PTPRU: variants seen among roughly 807,000 people sequenced by gnomAD.
PTPRU encodes receptor-type tyrosine-protein phosphatase U.
Under a neutral mutation model 166.3 loss-of-function variants are expected in PTPRU, and 69 were observed. The ratio of observed to expected loss-of-function variants is 0.41; its 90% confidence interval spans 0.34 to 0.51. PTPRU has a LOEUF of 0.51. Ranked by LOEUF, PTPRU falls within the 20% of genes least tolerant of loss-of-function variation. The probability of loss-of-function intolerance (pLI) is 0.09; values close to 1 mark genes in which losing one functional copy is unlikely to be tolerated. For synonymous variants in PTPRU, 793 were observed against 814.0 expected, an observed-to-expected ratio of 0.97 and a Z score of 0.44; for missense variants, 1,657 against 2,013.7, an observed-to-expected ratio of 0.82 and a Z score of 3.39.
chr1:29,304,046 G>A lies in PTPRU; in HGVS notation c.2667+1G>A. On this transcript the variant is annotated splice_donor_variant, in intron 16 of 29. Transcript: ENST00000373779. LOFTEE classifies it high-confidence loss of function. ...TTACGGCTTCAAGCAGGAGTATGAGGTGCACGCCGGCCCCGGGCCAGCAGG... is the reference window on the plus strand; with the variant it reads ...TTACGGCTTCAAGCAGGAGTATGAGATGCACGCCGGCCCCGGGCCAGCAGG... The A allele has an allele frequency of 6.3e-7, 1 of 1,599,522 alleles. No homozygotes were observed. Among genetic ancestry groups the A allele is most frequent in the Non-Finnish European group, 8.5e-7 (1 of 1,169,630 alleles).
At chr1:29,305,654 T>C (rs985022092) in intron 18 of PTPRU, 7 of 728,090 alleles carry the variant, frequency 9.6e-6, no homozygotes, top group Admixed American at 5.2e-5. Flanking sequence ...GATGAGGTGC[T>C]TTAGAGAAGC....
chr1:29,257,805 G>A lies in PTPRU; in HGVS notation c.206-700G>A, dbSNP rs1276649858. ...AGCCCAGGGTGGGAGGCAGAGGGAG[G>A]GCTTTGGAAGGGGTGGCCTTTGAGG... On this transcript the variant is annotated intron_variant, in intron 2 of 29. Coordinates refer to ENST00000373779, the MANE Select transcript of PTPRU (RefSeq NM_133178.4). The surrounding 1 kb of genome is among the most constrained non-coding windows in gnomAD (Gnocchi z 4.6). 6.6e-6 allele frequency among the ~76,000 whole-genome samples: 1 copy of A among 152,128 alleles called. No individual in the cohort carries two copies. The highest frequency in any genetic ancestry group is 1.5e-5 in the Non-Finnish European group (1 of 68,034).
intron 26 of PTPRU, 27 bp from the exon 27 acceptor site, chr1:29,323,344 C>G: frequency 6.3e-7 from 1 of 1,599,248 alleles, no homozygotes. Context: ...CTCTACTCAG[C>G]TCTCCCCTCT....
chr1:29,284,672 G>A, intron 13 of PTPRU, 59 bp from the exon 14 acceptor site: 1 of 1,612,616 alleles, frequency 6.2e-7, no homozygotes, highest in East Asian at 2.2e-5. Context: ...CCACCTACAG[G>A]AGGGGCTCGA....
In PTPRU at chr1:29,317,615, C is replaced by T; in HGVS notation, c.3514-133C>T. Reference sequence around the variant, plus strand: ...GGGAGTCTGGCTCCGTGCCCTGTACCCTTCTCTCTGGACCTCAGTTTCTCC... The same window carrying T: ...GGGAGTCTGGCTCCGTGCCCTGTACTCTTCTCTCTGGACCTCAGTTTCTCC... On this transcript the variant is annotated intron_variant, in intron 24 of 29. Coordinates refer to ENST00000373779, the MANE Select transcript of PTPRU (RefSeq NM_133178.4). The surrounding 1 kb of genome is among the most constrained non-coding windows in gnomAD (Gnocchi z 5.6). 1 of 1,057,838 alleles carries T rather than the reference C, an allele frequency of 9.5e-7. No individual in the cohort carries two copies. The allele number at this position is 1,057,838 out of a possible 1,614,324, so 65.5% of individuals were successfully genotyped here.
rs1337408839 is a variant in PTPRU at position 29,260,364 on chromosome 1, T to A, written c.851-246T>A. 2.1e-6 allele frequency: 1 copy of A among 470,586 alleles called. No individual in the cohort carries two copies. The highest frequency in any genetic ancestry group is 3.7e-6 in the Non-Finnish European group (1 of 273,288). 29.2% of individuals were successfully genotyped at this position (470,586 alleles called of 1,614,324 possible). ...CTCCAGGAGGCGAGGATGTGGGGGA[T>A]TAGGAGGGGCCTGAGAGAGGGGTTG... On this transcript the variant is annotated intron_variant, in intron 6 of 29. Transcript: ENST00000373779. This position sits in a 1 kb window ranked among gnomAD's most constrained non-coding sequence, Gnocchi z 8.3.
chr1:29,244,591 A>T (rs1684207945), intron 1 of PTPRU, among the ~76,000 whole-genome samples: 1 of 151,968 alleles, frequency 6.6e-6, no homozygotes, highest in African/African-American at 2.4e-5. Context: ...GCCTGTCAAT[A>T]TGTGTTTGTC....
rs781105249 is a variant in PTPRU, at chr1:29,311,811, G to C, written c.3072+52G>C. The C allele has an allele frequency of 2.5e-5, 38 of 1,535,788 alleles. No homozygotes were observed. The highest frequency in any genetic ancestry group is 3.4e-5 in the Non-Finnish European group (38 of 1,116,508). ...GCAGAGGGTGCCTGAGCAGGGATTA[G>C]AGCCCACTCCCACTTCCCCCAGCCC... On this transcript the variant is annotated intron_variant, in intron 21 of 29. Coordinates refer to ENST00000373779, the MANE Select transcript of PTPRU (RefSeq NM_133178.4). The surrounding 1 kb of genome is among the most constrained non-coding windows in gnomAD (Gnocchi z 4.1).
chr1:29,261,247 T>C (rs530459413), intron 7 of PTPRU, among the ~76,000 whole-genome samples: 15 of 152,166 alleles, frequency 9.9e-5, no homozygotes, highest in Non-Finnish European at 1.5e-4. Flanking sequence ...GTGGCAGAGA[T>C]GGGATTGGAA....
Position 29,291,739 on chromosome 1 carries a change from CAG to C in PTPRU, c.2319-126_2319-125del. On this transcript the variant is annotated intron_variant, in intron 14 of 29. Transcript: ENST00000373779. The surrounding 1 kb of genome is among the most constrained non-coding windows in gnomAD (Gnocchi z 4.1). Reference sequence around the variant, plus strand: ...GGATGGGGGCAGAGCCCTCAGCATCCAGAGATGCTTCTAGGACAGCTGCTGGC... The same window carrying C: ...GGATGGGGGCAGAGCCCTCAGCATCCAGATGCTTCTAGGACAGCTGCTGGC... 1 of 949,438 alleles carries C rather than the reference CAG, an allele frequency of 1.1e-6. No homozygotes were observed. Among genetic ancestry groups the C allele is most frequent in the Non-Finnish European group, 1.6e-6 (1 of 632,996 alleles). 58.8% of individuals were successfully genotyped at this position (949,438 alleles called of 1,614,324 possible).
intron 15 of PTPRU, among the ~76,000 whole-genome samples, chr1:29,300,053 G>T (rs9426316): frequency 0.25 from 37,849 of 152,098 alleles, 5,949 homozygotes; most frequent in East Asian, 0.63. Flanking sequence ...TGCCAGGCAC[G>T]GGGCTGGGTG....
intron 7 of PTPRU, among the ~76,000 whole-genome samples, chr1:29,267,458 CA>C (rs1203774274): frequency 6.6e-6 from 1 of 152,044 alleles, no homozygotes; most frequent in African/African-American, 2.4e-5. Context: ...TTAAAAGTCT[CA>C]AGGGAAGGTG....
chr1:29,236,606 C>G lies in PTPRU; in HGVS notation c.-39C>G, dbSNP rs1364220249. 1 of 1,216,792 alleles carries G rather than the reference C, an allele frequency of 8.2e-7. No homozygotes were observed. The highest frequency in any genetic ancestry group is 1.6e-5 in the African/African-American group (1 of 63,420). The allele number at this position is 1,216,792 out of a possible 1,614,324, so 75.4% of individuals were successfully genotyped here. On this transcript the variant is annotated 5_prime_UTR_variant, in exon 1 of 30. Transcript: ENST00000373779. The surrounding 1 kb of genome is among the most constrained non-coding windows in gnomAD (Gnocchi z 4.6). The stretch of plus-strand genomic sequence containing the variant: ...GGCTCGGGCTCCGGGGGCGGCGTCC[C>G]CCGCGCCGGGCCCCGGGACGGGCGG...
intron 1 of PTPRU, among the ~76,000 whole-genome samples, chr1:29,253,260 A>G (rs1684633940): frequency 6.6e-6 from 1 of 152,138 alleles, no homozygotes; most frequent in Admixed American, 6.5e-5. Flanking sequence ...CCTTTTGGGT[A>G]TTTACGGAGG....
chr1:29,284,837 C>T lies in PTPRU; in HGVS notation c.2286C>T (p.Leu762=), dbSNP rs1269986653. The T allele has an allele frequency of 4.3e-6, 7 of 1,613,054 alleles. No homozygotes were observed. The highest frequency in any genetic ancestry group is 5.9e-6 in the Non-Finnish European group (7 of 1,179,368). ...GGGGGCTTGCTGTCCTCATCCTTCT[C>T]CTGGGTGCCATCATTGTCATCATCC... The part of the protein sequence containing the change: ...CAGGLAVLIL[L]LGAIIVIIRK... Residue 762 remains leucine, a synonymous_variant, in exon 14 of 30, where the codon CTC becomes CTT. Transcript: ENST00000373779.
intron 1 of PTPRU, among the ~76,000 whole-genome samples, chr1:29,254,758 G>A (rs569483634): frequency 6.6e-6 from 1 of 152,216 alleles, no homozygotes; most frequent in East Asian, 1.9e-4. Context: ...CCCACTGTCT[G>A]TCCTCTATGG....
intron 14 of PTPRU, among the ~76,000 whole-genome samples, chr1:29,289,930 C>T (rs1686546274): frequency 6.6e-6 from 1 of 152,158 alleles, no homozygotes; most frequent in Admixed American, 6.5e-5. Context: ...GCTGGTTCTG[C>T]CCCTAAGAGG....
rs1197214972 is a variant in PTPRU, at chr1:29,268,188, A to T, written c.1145-7260A>T. On this transcript the variant is annotated intron_variant, in intron 7 of 29. Transcript: ENST00000373779. ...TTCAAGTGGAGATATTCATCAGCAGATGGATACATGAGTGTGGAGTTCAGG... is the reference window on the plus strand; with the variant it reads ...TTCAAGTGGAGATATTCATCAGCAGTTGGATACATGAGTGTGGAGTTCAGG... Among the ~76,000 whole-genome samples, 10 of 152,330 alleles carry T rather than the reference A, an allele frequency of 6.6e-5. No individual in the cohort carries two copies. In the East Asian group the frequency reaches 1.9e-3, roughly 29 times the overall value.
At chr1:29,241,451 T>C (rs1684050372) in intron 1 of PTPRU, among the ~76,000 whole-genome samples, 1 of 151,936 alleles carries the variant, frequency 6.6e-6, no homozygotes, top group South Asian at 2.1e-4. Context: ...TGTCTGGTTG[T>C]AGGGGTCCCC....
Sources: gnomAD v4.1 joint callset for allele counts (sites outside exome capture counted in the v4.1 genomes callset) on GRCh38, gnomAD v4.1.1 for gene constraint, Gnocchi (gnomAD v3.1) non-coding constraint, MANE v1.5 for transcripts, NCBI Gene and HGNC (gene_info 2026-07-23, HGNC 2026-07-21) for gene names.